The following DGKB variants were observed in gnomAD, a reference collection of about 807,000 sequenced individuals.
DGKB encodes the protein diacylglycerol kinase beta, also known as 90 kDa diacylglycerol kinase.
DGKB carries 67 observed loss-of-function variants against 114.3 expected under a neutral mutation model. The ratio of observed to expected loss-of-function variants is 0.59; its 90% CI spans 0.48 to 0.72. The LOEUF (loss-of-function observed/expected upper bound fraction) is 0.72, where lower values mean the gene tolerates loss of function less well. DGKB is among the 30% of genes least tolerant of loss of function. The pLI, the probability that DGKB is intolerant of heterozygous loss-of-function variation, is 0.00. For synonymous variants in DGKB, 398 were observed against 323.1 expected (o/e 1.23, Z -2.49); for missense variants, 907 against 975.2 (o/e 0.93, Z 0.93).
intron 20 of DGKB, among the ~76,000 whole-genome samples, chr7:14,499,967 G>A (rs936715278): frequency 2.0e-5 from 3 of 151,742 alleles, no homozygotes; most frequent in African/African-American, 7.2e-5. Flanking sequence ...TTTCCCACAG[G>A]TCAACTTCAA....
rs146469025 is a variant in DGKB, at chr7:14,688,605, A to G, written c.712-3243T>C. Among the ~76,000 whole-genome samples, 69 of 152,338 alleles carry G rather than the reference A, an allele frequency of 4.5e-4. No homozygotes were observed. The East Asian group carries it at 0.013, about 29-fold the overall frequency. Reference sequence around the variant, plus strand: ...ATGTGCTCTTTTTTCATCACCAGACATAACACTGTGTATTGTAATGAAGCT... The same window carrying G: ...ATGTGCTCTTTTTTCATCACCAGACGTAACACTGTGTATTGTAATGAAGCT... On this transcript the variant is annotated intron_variant, in intron 9 of 25. Coordinates refer to ENST00000402815, the MANE Select transcript of DGKB (RefSeq NM_001350709.2).
intron 23 of DGKB, among the ~76,000 whole-genome samples, chr7:14,311,041 T>C (rs1033187557): frequency 5.9e-5 from 9 of 152,066 alleles, no homozygotes; most frequent in African/African-American, 2.2e-4. Context: ...GGTGGGAGGA[T>C]CACTTAAGCC....
chr7:14,968,144 A>C (rs1212247126), intron 1 of DGKB, among the ~76,000 whole-genome samples: 1 of 152,102 alleles, frequency 6.6e-6, no homozygotes, highest in South Asian at 2.1e-4. Flanking sequence ...ATCTCAAGAC[A>C]AGTTTGATCT....
Position 14,660,999 on chromosome 7 carries a change from A to C in DGKB, c.1134+11930T>G, listed in dbSNP as rs1256692193. Among the ~76,000 whole-genome samples the C allele has an allele frequency of 7.4e-5, 11 of 148,652 alleles. No homozygotes were observed. The East Asian group carries it at 2.2e-3, about 30-fold the overall frequency. On this transcript the variant is annotated intron_variant, in intron 13 of 25. Coordinates refer to ENST00000402815, the MANE Select transcript of DGKB (RefSeq NM_001350709.2). Reference sequence around the variant, plus strand: ...ATGGTGCTGGGAAAACTGGCTAGCCATATTTAGAAAGCTGAAACTGGATCC... The same window carrying C: ...ATGGTGCTGGGAAAACTGGCTAGCCCTATTTAGAAAGCTGAAACTGGATCC...
intron 25 of DGKB, among the ~76,000 whole-genome samples, chr7:14,160,423 A>C (rs1198325593): frequency 6.6e-6 from 1 of 152,252 alleles, no homozygotes; most frequent in Non-Finnish European, 1.5e-5. Context: ...CAACTTCAGC[A>C]AAGTCTCAGC....
intron 2 of DGKB, among the ~76,000 whole-genome samples, chr7:14,789,759 G>A (rs1840405944): frequency 6.6e-6 from 1 of 152,102 alleles, no homozygotes; most frequent in Non-Finnish European, 1.5e-5. Context: ...GTCTCATACA[G>A]GCTTTTATAT....
intron 1 of DGKB, among the ~76,000 whole-genome samples, chr7:14,948,228 T>C (rs966418746): frequency 2.0e-5 from 3 of 151,830 alleles, no homozygotes; most frequent in Non-Finnish European, 4.4e-5. Flanking sequence ...ATAATTTATT[T>C]TAACTTTATT....
chr7:14,362,091 A>G (rs909090548), intron 21 of DGKB, among the ~76,000 whole-genome samples: 1 of 152,010 alleles, frequency 6.6e-6, no homozygotes, highest in Non-Finnish European at 1.5e-5. Flanking sequence ...TACTGAACAG[A>G]TTACAGAGAT....
intron 6 of DGKB, among the ~76,000 whole-genome samples, chr7:14,703,201 C>T (rs1182634085): frequency 1.3e-5 from 2 of 152,148 alleles, no homozygotes; most frequent in Admixed American, 1.3e-4. Context: ...GATTAACTAC[C>T]AGGAATAAGG....
At chr7:14,910,092 C>G (rs1783904532) in intron 1 of DGKB, among the ~76,000 whole-genome samples, 1 of 151,656 alleles carries the variant, frequency 6.6e-6, no homozygotes, top group Non-Finnish European at 1.5e-5. Flanking sequence ...CCTGTAGTCT[C>G]AACTAATTGG....
intron 21 of DGKB, among the ~76,000 whole-genome samples, chr7:14,351,672 T>G (rs1473492589): frequency 6.6e-6 from 1 of 152,172 alleles, no homozygotes; most frequent in Non-Finnish European, 1.5e-5. Context: ...AATAGTGGCA[T>G]GAATGGGAAC....
At chr7:14,919,097 C>CACAA (rs760467647) in intron 1 of DGKB, among the ~76,000 whole-genome samples, 3,774 of 97,932 alleles carry the variant, frequency 0.039, 61 homozygotes, top group Non-Finnish European at 0.063. Context: ...CACACACAAA[C>CACAA]ACACACACAC....
intron 5 of DGKB, among the ~76,000 whole-genome samples, chr7:14,729,341 C>T (rs1179718456): frequency 2.0e-5 from 3 of 151,848 alleles, no homozygotes; most frequent in Non-Finnish European, 2.9e-5. Context: ...CCAGGATGGT[C>T]TCGATCTCCT....
At chr7:14,819,737 G>C (rs1323000194) in intron 2 of DGKB, among the ~76,000 whole-genome samples, 1 of 152,094 alleles carries the variant, frequency 6.6e-6, no homozygotes, top group Non-Finnish European at 1.5e-5. Flanking sequence ...GGTTTGTAGA[G>C]TTAAAATTTA....
intron 23 of DGKB, among the ~76,000 whole-genome samples, chr7:14,306,614 T>C (rs1804524191): frequency 6.6e-6 from 1 of 152,160 alleles, no homozygotes; most frequent in South Asian, 2.1e-4. Context: ...AAATAAAGTG[T>C]TCCCTGCATC....
upstream of DGKB, among the ~76,000 whole-genome samples, chr7:14,907,695 G>A (rs1008480901): frequency 6.6e-6 from 1 of 152,166 alleles, no homozygotes; most frequent in Non-Finnish European, 1.5e-5. Context: ...ATATGTAACT[G>A]AATGGTGATG....
chr7:14,712,874 A>G (rs2128337819), intron 6 of DGKB, among the ~76,000 whole-genome samples: 1 of 152,174 alleles, frequency 6.6e-6, no homozygotes, highest in East Asian at 1.9e-4. Context: ...ATTCAAAAGT[A>G]AAGTCAGGCC....
At chr7:14,598,751 T>A (rs1803026368) in intron 17 of DGKB, among the ~76,000 whole-genome samples, 1 of 152,186 alleles carries the variant, frequency 6.6e-6, no homozygotes, top group South Asian at 2.1e-4. Context: ...ATAAACTATA[T>A]ATTTAATGAA....
chr7:14,392,995 G>GTTTTTGTTTTTTGTTTTTTTTTTTTT, intron 21 of DGKB, among the ~76,000 whole-genome samples: 10 of 60,544 alleles, frequency 1.7e-4, no homozygotes, highest in African/African-American at 4.8e-4. Context: ...TTTTGTTTTT[G>GTTTTTGTTTTTTGTTTTTTTTTTTTT]TTTTTTTTTT....
Sources: allele counts gnomAD v4.1 joint callset (sites outside exome capture counted in the v4.1 genomes callset), GRCh38; gene constraint gnomAD v4.1.1; transcripts MANE v1.5; gene names NCBI Gene and HGNC (gene_info 2026-07-23, HGNC 2026-07-21).